The following TMEM178B variants were observed in gnomAD, a reference collection of about 807,000 sequenced individuals.
TMEM178B encodes the protein transmembrane protein 178B.
Under a neutral mutation model 31.0 loss-of-function variants are expected in TMEM178B, and 5 were observed. The observed-to-expected ratio is 0.16, with a 90% CI of 0.08 to 0.34. TMEM178B has a LOEUF of 0.34. TMEM178B is among the 10% of genes least tolerant of loss of function. TMEM178B has a pLI of 1.00. For missense variants in TMEM178B, 275 were observed against 400.3 expected (o/e 0.69, Z 2.67); for synonymous variants, 164 against 164.0 (o/e 1.00, Z 0.00).
chr7:141,406,940 GA>G (rs35791208), intron 2 of TMEM178B, among the ~76,000 whole-genome samples: 1,859 of 152,212 alleles, frequency 0.012, 14 homozygotes, highest in Middle Eastern at 0.024. Flanking sequence ...TAGGGAAGGG[GA>G]AAAAAGTATC....
chr7:141,424,491 C>T (rs1015012043), intron 2 of TMEM178B, among the ~76,000 whole-genome samples: 5 of 152,190 alleles, frequency 3.3e-5, no homozygotes, highest in African/African-American at 4.8e-5. Context: ...GAGACGCAAT[C>T]GGTGGCCAGG....
At chr7:141,380,291 T>C (rs983258756) in intron 2 of TMEM178B, among the ~76,000 whole-genome samples, 1 of 152,210 alleles carries the variant, frequency 6.6e-6, no homozygotes, top group Non-Finnish European at 1.5e-5. Flanking sequence ...AAATCTAATC[T>C]TTAAGTCATA....
At chr7:141,445,073 C>A (rs1014317114) in intron 3 of TMEM178B, among the ~76,000 whole-genome samples, 12 of 152,146 alleles carry the variant, frequency 7.9e-5, no homozygotes, top group Non-Finnish European at 1.6e-4. Flanking sequence ...ATCAGTGTGA[C>A]CTTTTATACC....
chr7:141,437,554 T>TG (rs1348636553), intron 2 of TMEM178B, 54 bp from the exon 3 acceptor site: 2 of 1,530,050 alleles, frequency 1.3e-6, no homozygotes, highest in Non-Finnish European at 1.7e-6. Flanking sequence ...GGGTATACCC[T>TG]GGCCCTCAGT....
intron 1 of TMEM178B, among the ~76,000 whole-genome samples, chr7:141,191,550 T>C (rs1057302093): frequency 6.6e-6 from 1 of 152,252 alleles, no homozygotes; most frequent in Non-Finnish European, 1.5e-5. Context: ...AGAATGATAG[T>C]TACAAATGGC....
rs1048914554 is a variant in TMEM178B at position 141,100,732 on chromosome 7, A to AAT, written c.382+26049_382+26050dup. On this transcript the variant is annotated intron_variant, in intron 1 of 3. Coordinates refer to ENST00000565468, the MANE Select transcript of TMEM178B (RefSeq NM_001195278.2). Reference sequence around the variant, plus strand: ...CACACAGGTACATGTATGAATGTAGAATATATATATGCAGAATGTATACGT... The same window carrying AAT: ...CACACAGGTACATGTATGAATGTAGAATATATATATATGCAGAATGTATACGT... Among the ~76,000 whole-genome samples, 7 of 152,322 alleles carry AAT rather than the reference A, an allele frequency of 4.6e-5. No individual in the cohort carries two copies. In the East Asian group the frequency reaches 5.8e-4, roughly 13 times the overall value.
chr7:141,190,609 C>T (rs1198983995), intron 1 of TMEM178B, among the ~76,000 whole-genome samples: 1 of 152,134 alleles, frequency 6.6e-6, no homozygotes. Context: ...CCATGCCCAG[C>T]TCATGTAATT....
At chr7:141,403,733 A>G (rs1387630998) in intron 2 of TMEM178B, among the ~76,000 whole-genome samples, 2 of 152,210 alleles carry the variant, frequency 1.3e-5, no homozygotes, top group Non-Finnish European at 2.9e-5. Context: ...TAGCTAGTCT[A>G]TTGTTACAGA....
the TMEM178B span, among the ~76,000 whole-genome samples, chr7:141,501,192 T>G: frequency 6.6e-6 from 1 of 151,954 alleles, no homozygotes; most frequent in South Asian, 2.1e-4. Context: ...TGGTAGCTGT[T>G]CTTGAGGGTG....
chr7:141,116,178 T>C (rs1795315631), intron 1 of TMEM178B, among the ~76,000 whole-genome samples: 1 of 152,178 alleles, frequency 6.6e-6, no homozygotes, highest in Non-Finnish European at 1.5e-5. Flanking sequence ...GAATGTATTA[T>C]TTACCTATCG....
intron 3 of TMEM178B, among the ~76,000 whole-genome samples, chr7:141,450,278 T>C (rs1359381607): frequency 6.6e-6 from 1 of 152,184 alleles, no homozygotes; most frequent in Admixed American, 6.5e-5. Context: ...AGTGAACCAT[T>C]TGAACATGCC....
intron 1 of TMEM178B, among the ~76,000 whole-genome samples, chr7:141,144,179 C>T (rs1040111854): frequency 6.6e-6 from 1 of 152,118 alleles, no homozygotes; most frequent in Non-Finnish European, 1.5e-5. Flanking sequence ...CAATTTGACT[C>T]CTTCTTTTCC....
chr7:141,303,142 C>G (rs180672832), intron 2 of TMEM178B, among the ~76,000 whole-genome samples: 1 of 152,108 alleles, frequency 6.6e-6, no homozygotes, highest in South Asian at 2.1e-4. Flanking sequence ...TCCTGCCAGG[C>G]GTTCTTTGGA....
intron 1 of TMEM178B, among the ~76,000 whole-genome samples, chr7:141,101,081 C>T (rs1416955980): frequency 6.6e-6 from 1 of 152,120 alleles, no homozygotes; most frequent in East Asian, 1.9e-4. Context: ...TCCACAGGCT[C>T]GATTTGATTA....
intron 2 of TMEM178B, among the ~76,000 whole-genome samples, chr7:141,280,361 T>A (rs1230121122): frequency 6.6e-6 from 1 of 152,162 alleles, no homozygotes; most frequent in East Asian, 1.9e-4. Flanking sequence ...TCCTACGTGT[T>A]GTGGGATGGA....
chr7:141,225,116 A>G (rs58492534), intron 2 of TMEM178B, among the ~76,000 whole-genome samples: 37,488 of 152,092 alleles, frequency 0.25, 6,002 homozygotes, highest in Non-Finnish European at 0.36. Flanking sequence ...AAGAGATCTA[A>G]TACTTCCCCC....
intron 2 of TMEM178B, among the ~76,000 whole-genome samples, chr7:141,353,480 G>T (rs1799768986): frequency 6.6e-6 from 1 of 152,156 alleles, no homozygotes; most frequent in Non-Finnish European, 1.5e-5. Flanking sequence ...TTACATAGAT[G>T]TTGTTCCTTT....
rs1481512244 is a variant in TMEM178B, at chr7:141,318,637, CCCTTCAGAAG to C, written c.496+105937_496+105946del. Reference sequence around the variant, plus strand: ...TGTTTGATAGCTAAACCTATGCCACCCCTTCAGAAGCCTGTACCAAGACACTTAGAATTTT... The same window carrying C: ...TGTTTGATAGCTAAACCTATGCCACCCCTGTACCAAGACACTTAGAATTTT... On this transcript the variant is annotated intron_variant, in intron 2 of 3. Transcript: ENST00000565468. The surrounding 1 kb of genome is among the most constrained non-coding windows in gnomAD (Gnocchi z 4.1). Among the ~76,000 whole-genome samples the C allele has an allele frequency of 6.6e-6, 1 of 152,158 alleles. No homozygotes were observed. Among genetic ancestry groups the C allele is most frequent in the Non-Finnish European group, 1.5e-5 (1 of 68,014 alleles).
At chr7:141,295,371 C>A (rs967012979) in intron 2 of TMEM178B, among the ~76,000 whole-genome samples, 2 of 152,196 alleles carry the variant, frequency 1.3e-5, no homozygotes, top group African/African-American at 4.8e-5. Flanking sequence ...GAGGAGGCTA[C>A]TGCACATCCA....
Sources: allele counts gnomAD v4.1 joint callset (sites outside exome capture counted in the v4.1 genomes callset), GRCh38; gene constraint gnomAD v4.1.1; non-coding constraint Gnocchi (gnomAD v3.1); transcripts MANE v1.5; gene names NCBI Gene and HGNC (gene_info 2026-07-23, HGNC 2026-07-21).